The following CCDC88A variants were observed in gnomAD, a reference collection of about 807,000 sequenced individuals.
The protein encoded by CCDC88A is girdin.
CCDC88A carries 54 observed loss-of-function variants against 234.3 expected under a neutral mutation model. The observed-to-expected ratio is 0.23, with a 90% CI of 0.19 to 0.29. The LOEUF (loss-of-function observed/expected upper bound fraction) is 0.29. Among genes scored for constraint, CCDC88A ranks in the 10% least tolerant of loss-of-function variants. CCDC88A has a pLI of 1.00. For synonymous variants in CCDC88A, 753 were observed against 737.8 expected (o/e 1.02, Z -0.33); for missense variants, 1,832 against 2,123.4 (o/e 0.86, Z 2.70).
chr2:55,415,754 A>C (rs764125443), intron 2 of CCDC88A, among the ~76,000 whole-genome samples: 4 of 152,194 alleles, frequency 2.6e-5, no homozygotes, highest in Non-Finnish European at 5.9e-5. Context: ...AAAAAGACTG[A>C]GAGCGAACAC....
Position 55,367,528 on chromosome 2 carries a change from G to GTTTTTTTTTT in CCDC88A, c.403-3496_403-3495insAAAAAAAAAA. Among the ~76,000 whole-genome samples, 36 of 99,872 alleles carry GTTTTTTTTTT rather than the reference G, an allele frequency of 3.6e-4. 6 individuals are homozygous for GTTTTTTTTTT. The highest frequency in any genetic ancestry group is 6.0e-4 in the African/African-American group (14 of 23,352). The allele number at this position is 99,872 out of a possible 152,430, so 65.5% of individuals were successfully genotyped here. On this transcript the variant is annotated intron_variant, in intron 5 of 32. Coordinates refer to ENST00000436346, the MANE Select transcript of CCDC88A (RefSeq NM_001365480.1). Reference sequence around the variant, plus strand: ...TTGCTAGAAATTGTTTTATTTCCTTGTTTTTTTTTAAGAGACTGGGTCTTG... The same window carrying GTTTTTTTTTT: ...TTGCTAGAAATTGTTTTATTTCCTTGTTTTTTTTTTTTTTTTTTTAAGAGACTGGGTCTTG...
In CCDC88A at chr2:55,301,253, C is replaced by T; in HGVS notation, c.4697G>A (p.Ser1566Asn). ...AGAATCATCACTAACACCTTGTGGA[C>T]TTATGTCTTCAAAGGATGTAGTATC... ...NKDTTSFEDI[S>N]PQGVSDDSST... The change falls in exon 28 of 33, where the codon AGT (serine) becomes AAT (asparagine). Residue 1566 changes from serine (S) to asparagine (N), a missense_variant. By Grantham distance (46) the Ser-to-Asn change is conservative. Transcript: ENST00000436346. 6.3e-7 allele frequency: 1 copy of T among 1,592,014 alleles called. No individual in the cohort carries two copies. The highest frequency in any genetic ancestry group is 8.6e-7 in the Non-Finnish European group (1 of 1,165,308).
chr2:55,416,979 T>G (rs1681599904), intron 2 of CCDC88A: 1 of 151,866 alleles, frequency 6.6e-6, no homozygotes, highest in Non-Finnish European at 1.5e-5. Context: ...AAAAAAAATC[T>G]AAAGAAACTG....
chr2:55,295,085 CCAAA>C (rs1213758035), intron 31 of CCDC88A: 6 of 1,301,868 alleles, frequency 4.6e-6, no homozygotes, highest in East Asian at 5.5e-5. Context: ...CATATTCATA[CCAAA>C]CAGTTTGATT....
intron 2 of CCDC88A, among the ~76,000 whole-genome samples, chr2:55,396,058 T>C (rs1024269460): frequency 1.7e-5 from 2 of 118,874 alleles, no homozygotes; most frequent in South Asian, 5.5e-4. Context: ...AGGCAATCCA[T>C]TCTGGTATTT....
chr2:55,351,726 A>G (rs1464266595), intron 8 of CCDC88A, among the ~76,000 whole-genome samples: 1 of 152,224 alleles, frequency 6.6e-6, no homozygotes, highest in Non-Finnish European at 1.5e-5. Flanking sequence ...TCATCTGTTA[A>G]CATGCAGAAT....
In CCDC88A at chr2:55,355,590, A is replaced by T. The variant is rs1226453716; in HGVS notation, c.789T>A (p.Leu263=). Residue 263 remains leucine, a synonymous_variant, in exon 8 of 33, where the codon CTT becomes CTA. Transcript: ENST00000436346. ...LADAKAKIRR[L]RQELEEKTEQ... ...AATCAGCAACTTACAATTCCTGCCT[A>T]AGCCTTCTTATCTTGGCTTTAGCAT... 3 of 1,613,992 alleles carry T rather than the reference A, an allele frequency of 1.9e-6. No homozygotes were observed. Among genetic ancestry groups the T allele is most frequent in the Non-Finnish European group, 1.7e-6 (2 of 1,179,848 alleles).
chr2:55,380,328 T>G (rs926706467), intron 3 of CCDC88A, among the ~76,000 whole-genome samples: 1 of 152,062 alleles, frequency 6.6e-6, no homozygotes, highest in Admixed American at 6.6e-5. Flanking sequence ...TTTAAAGATA[T>G]GCAAGTATTC....
chr2:55,295,367 A>G lies in CCDC88A; in HGVS notation c.5551+230T>C, dbSNP rs1170773115. On this transcript the variant is annotated intron_variant, in intron 31 of 32. Coordinates refer to ENST00000436346, the MANE Select transcript of CCDC88A (RefSeq NM_001365480.1). Reference sequence around the variant, plus strand: ...AGAATGGCTGAGATGAATGGGCCACAGTAAATGGTCCTATGCTATCTTTTG... The same window carrying G: ...AGAATGGCTGAGATGAATGGGCCACGGTAAATGGTCCTATGCTATCTTTTG... 2.0e-5 allele frequency: 30 copies of G among 1,534,832 alleles called. 1 individual carries two copies. In the South Asian group the frequency reaches 3.4e-4, roughly 17 times the overall value.
At chr2:55,367,235 C>T (rs1042943687) in intron 5 of CCDC88A, among the ~76,000 whole-genome samples, 1 of 151,962 alleles carries the variant, frequency 6.6e-6, no homozygotes, top group African/African-American at 2.4e-5. Flanking sequence ...ATGGTGGTTA[C>T]CGAGGTCTGG....
At chr2:55,369,886 G>C (rs760640972) in intron 5 of CCDC88A, among the ~76,000 whole-genome samples, 7 of 151,926 alleles carry the variant, frequency 4.6e-5, no homozygotes, top group African/African-American at 7.3e-5. Flanking sequence ...CCTCAAACTC[G>C]TACTGTTTAC....
chr2:55,415,773 A>T (rs1222995022), intron 2 of CCDC88A, among the ~76,000 whole-genome samples: 1 of 152,212 alleles, frequency 6.6e-6, no homozygotes, highest in Non-Finnish European at 1.5e-5. Flanking sequence ...ACCACCAAGT[A>T]GGTCCTGTTT....
intron 22 of CCDC88A, chr2:55,313,752 T>TA (rs1682626673): frequency 6.6e-6 from 1 of 151,918 alleles, no homozygotes; most frequent in African/African-American, 2.4e-5. Flanking sequence ...CCGCAAAAAA[T>TA]AAACATTTTG....
rs1491262837 is a variant in CCDC88A, at chr2:55,297,339, T to TA, written c.4826-817_4826-816insT. 9.2e-3 allele frequency among the ~76,000 whole-genome samples: 53 copies of TA among 5,772 alleles called. No homozygotes were observed. The East Asian group carries it at 0.17, about 19-fold the overall frequency. 3.8% of individuals were successfully genotyped at this position (5,772 alleles called of 152,430 possible). On this transcript the variant is annotated intron_variant, in intron 29 of 32. Transcript: ENST00000436346. Reference sequence around the variant, plus strand: ...AAATATATAATATATAATATATAAATTTATATATTATATATAAATATATAT... The same window carrying TA: ...AAATATATAATATATAATATATAAATATTATATATTATATATAAATATATAT...
Position 55,419,480 on chromosome 2 carries a change from G to T in CCDC88A, c.-401C>A, listed in dbSNP as rs912816459. ...GAATCAATCCCAACGGGGGCTAAATGAAATACGTTAAACAGAGACCACGTT... is the reference window on the plus strand; with the variant it reads ...GAATCAATCCCAACGGGGGCTAAATTAAATACGTTAAACAGAGACCACGTT... On this transcript the variant is annotated 5_prime_UTR_variant, in exon 1 of 33. Transcript: ENST00000436346. The T allele has an allele frequency of 5.1e-6, 1 of 196,296 alleles. No individual in the cohort carries two copies. The highest frequency in any genetic ancestry group is 8.5e-5 in the South Asian group (1 of 11,736). The allele number at this position is 196,296 out of a possible 1,614,324, so 12.2% of individuals were successfully genotyped here. A position where few individuals can be genotyped will look rare whatever the true frequency, so the allele number is the denominator to read the frequency against.
chr2:55,295,654 G>A lies in CCDC88A; in HGVS notation c.5494C>T (p.Pro1832Ser). ...GCTGGTGGTGAATCAACTGATATAG[G>A]CAGTCTACTGTCCTTGGTCAAAAAA... ...HDFLTKDSRLPISVDSPPAAA... is the reference protein window; with the variant it reads ...HDFLTKDSRLSISVDSPPAAA... The change falls in exon 31 of 33, where the codon CCT becomes TCT. Residue 1832 changes from proline (P) to serine (S), a missense_variant. Coordinates refer to ENST00000436346, the MANE Select transcript of CCDC88A (RefSeq NM_001365480.1). 6.2e-7 allele frequency: 1 copy of A among 1,614,182 alleles called. No homozygotes were observed. The highest frequency in any genetic ancestry group is 8.5e-7 in the Non-Finnish European group (1 of 1,180,028).
chr2:55,387,771 C>T (rs369685436), intron 3 of CCDC88A, among the ~76,000 whole-genome samples: 8 of 114,942 alleles, frequency 7.0e-5, no homozygotes, highest in African/African-American at 1.1e-4. Flanking sequence ...GACAGTGAGG[C>T]TCCATCTCAA....
At chr2:55,387,191 A>AG (rs1346316208) in intron 3 of CCDC88A, among the ~76,000 whole-genome samples, 10 of 151,288 alleles carry the variant, frequency 6.6e-5, no homozygotes, top group Non-Finnish European at 1.0e-4. Context: ...AAAAAAAAAA[A>AG]AAAAAAAAAG....
intron 25 of CCDC88A, among the ~76,000 whole-genome samples, chr2:55,307,470 C>A (rs1681745582): frequency 2.0e-5 from 3 of 150,872 alleles, no homozygotes; most frequent in Admixed American, 2.0e-4. Flanking sequence ...ACTCTCCTGC[C>A]TCAGCCTCCC....
Sources: allele counts gnomAD v4.1 joint callset (sites outside exome capture counted in the v4.1 genomes callset), GRCh38; gene constraint gnomAD v4.1.1; transcripts MANE v1.5; gene names NCBI Gene and HGNC (gene_info 2026-07-23, HGNC 2026-07-21).